Variants in SYNRG observed in about 807,000 individuals in gnomAD.
The protein encoded by SYNRG is AP1 gamma subunit binding protein 1.
In SYNRG, 37 loss-of-function variants were observed where a neutral mutation model predicts 130.9. That is an observed-to-expected ratio of 0.28 (90% CI 0.22 to 0.37). SYNRG has a LOEUF of 0.37. Ranked by LOEUF, SYNRG falls within the 10% of genes least tolerant of loss-of-function variation. The pLI is 1.00. For missense variants in SYNRG, 1,338 were observed against 1,588.9 expected, an observed-to-expected ratio of 0.84 and a Z score of 2.68; for synonymous variants, 539 against 568.1, an observed-to-expected ratio of 0.95 and a Z score of 0.73.
Position 37,521,178 on chromosome 17 carries a change from G to A in SYNRG, c.3667-530C>T, listed in dbSNP as rs546042108. Reference sequence around the variant, plus strand: ...CTTCTGAGTAGCTGGGATTACAGGCGCGCCACCACGTCTGGTTAATTTTGT... The same window carrying A: ...CTTCTGAGTAGCTGGGATTACAGGCACGCCACCACGTCTGGTTAATTTTGT... On this transcript the variant is annotated intron_variant, in intron 19 of 21. Coordinates refer to ENST00000612223, the MANE Select transcript of SYNRG (RefSeq NM_007247.6). Among the ~76,000 whole-genome samples, 234 of 151,866 alleles carry A rather than the reference G, an allele frequency of 1.5e-3. 1 individual carries two copies. The highest frequency in any genetic ancestry group is 5.4e-3 in the African/African-American group (222 of 41,428).
At chr17:37,608,764 G>C (rs1201628339) in intron 1 of SYNRG, among the ~76,000 whole-genome samples, 1 of 152,124 alleles carries the variant, frequency 6.6e-6, no homozygotes, top group Non-Finnish European at 1.5e-5. Flanking sequence ...GTTTGTCGCG[G>C]GTTAAGGAAA....
At chr17:37,596,490 G>T in intron 2 of SYNRG, 146 bp from the exon 3 acceptor site, 1 of 742,712 alleles carries the variant, frequency 1.3e-6, no homozygotes, top group South Asian at 2.1e-5. Context: ...ATGTGAATAT[G>T]AATTCCAACT....
chr17:37,592,453 A>G (rs2062279952), intron 3 of SYNRG, among the ~76,000 whole-genome samples: 2 of 152,234 alleles, frequency 1.3e-5, no homozygotes. Context: ...CGTTTATCCC[A>G]AGAAATGAGG....
At chr17:37,594,184 A>G (rs1275567174) in intron 3 of SYNRG, among the ~76,000 whole-genome samples, 1 of 78,222 alleles carries the variant, frequency 1.3e-5, no homozygotes, top group Non-Finnish European at 2.4e-5. Context: ...TTACAATATT[A>G]ATTATTTTAA....
chr17:37,597,453 A>G (rs1237851886), intron 2 of SYNRG, among the ~76,000 whole-genome samples: 1 of 152,250 alleles, frequency 6.6e-6, no homozygotes, highest in Non-Finnish European at 1.5e-5. Context: ...GAACTCTGGG[A>G]GCCAACTAGA....
At chr17:37,547,234 C>T (rs2145126155) in intron 14 of SYNRG, among the ~76,000 whole-genome samples, 1 of 152,256 alleles carries the variant, frequency 6.6e-6, no homozygotes, top group Admixed American at 6.5e-5. Context: ...AAAAAGAAAA[C>T]TGGAAATCCT....
intron 11 of SYNRG, among the ~76,000 whole-genome samples, chr17:37,564,868 A>G (rs1027761795): frequency 6.6e-6 from 1 of 152,250 alleles, no homozygotes; most frequent in Admixed American, 6.5e-5. Flanking sequence ...TTGCTTCTGT[A>G]TTTCTCATGC....
At chr17:37,569,052 C>T (rs563422514) in intron 10 of SYNRG, 128 bp from the exon 11 acceptor site, 89 of 920,190 alleles carry the variant, frequency 9.7e-5, no homozygotes, top group South Asian at 5.8e-4. Context: ...CAAGTGCTTA[C>T]GGCAGGAATC....
intron 11 of SYNRG, among the ~76,000 whole-genome samples, chr17:37,565,203 G>A (rs1259081140): frequency 6.6e-6 from 1 of 152,114 alleles, no homozygotes; most frequent in Non-Finnish European, 1.5e-5. Context: ...GGCAGAAGTT[G>A]CAGTGAGCCG....
At chr17:37,575,165 G>A (rs1332840517) in intron 8 of SYNRG, among the ~76,000 whole-genome samples, 1 of 151,902 alleles carries the variant, frequency 6.6e-6, no homozygotes, top group Admixed American at 6.6e-5. Flanking sequence ...GGGTAGTGGT[G>A]GGGGGGAATA....
chr17:37,570,552 A>T, intron 10 of SYNRG, 85 bp downstream of exon 10: 1 of 1,489,828 alleles, frequency 6.7e-7, no homozygotes, highest in Non-Finnish European at 9.0e-7. Context: ...ATAATCCAGT[A>T]ACCTACTCTA....
At chr17:37,591,262 C>T (rs2062165673) in intron 3 of SYNRG, among the ~76,000 whole-genome samples, 1 of 152,112 alleles carries the variant, frequency 6.6e-6, no homozygotes, top group Non-Finnish European at 1.5e-5. Flanking sequence ...TAAATCTAAC[C>T]AAACATGGAT....
intron 6 of SYNRG, among the ~76,000 whole-genome samples, chr17:37,579,975 T>C (rs901757738): frequency 1.4e-4 from 21 of 152,278 alleles, no homozygotes; most frequent in African/African-American, 5.1e-4. Context: ...TTTTATTAGA[T>C]TAATAATTTT....
intron 13 of SYNRG, among the ~76,000 whole-genome samples, chr17:37,555,213 A>C (rs1053460711): frequency 2.0e-5 from 3 of 151,398 alleles, no homozygotes; most frequent in Non-Finnish European, 4.4e-5. Flanking sequence ...TGCAACCTCC[A>C]CCTCCCAGGT....
chr17:37,586,917 T>C (rs971443605), intron 3 of SYNRG, among the ~76,000 whole-genome samples: 1 of 152,144 alleles, frequency 6.6e-6, no homozygotes, highest in Non-Finnish European at 1.5e-5. Flanking sequence ...TATATTTTCA[T>C]ATTTGCAATA....
intron 3 of SYNRG, among the ~76,000 whole-genome samples, chr17:37,590,989 T>C (rs535705812): frequency 3.9e-5 from 6 of 152,270 alleles, no homozygotes; most frequent in African/African-American, 7.2e-5. Context: ...GGAAGGAAAG[T>C]ATTTTTCAAT....
chr17:37,597,001 C>G (rs555162794), intron 2 of SYNRG, among the ~76,000 whole-genome samples: 2 of 152,280 alleles, frequency 1.3e-5, no homozygotes, highest in East Asian at 3.9e-4. Context: ...CTCAGCCTCC[C>G]AAAGTGCTGG....
Position 37,585,447 on chromosome 17 carries a change from C to G in SYNRG, c.372-17G>C. 1 of 1,578,214 alleles carries G rather than the reference C, an allele frequency of 6.3e-7. No individual in the cohort carries two copies. The highest frequency in any genetic ancestry group is 8.7e-7 in the Non-Finnish European group (1 of 1,151,030). On this transcript the variant is annotated splice_polypyrimidine_tract_variant and intron_variant, in intron 4 of 21. Transcript: ENST00000612223. ...AATCGTTTCCTGAAGGAAAAATGAT[C>G]TAATAAAGAACCAGCTCCCGGGATT...
At chr17:37,578,692 T>C (rs550258283) in intron 6 of SYNRG, among the ~76,000 whole-genome samples, 1 of 152,244 alleles carries the variant, frequency 6.6e-6, no homozygotes, top group Admixed American at 6.5e-5. Flanking sequence ...ATTCATTTTA[T>C]AGATGACAAA....
Sources: gnomAD v4.1 joint callset for allele counts (sites outside exome capture counted in the v4.1 genomes callset) on GRCh38, gnomAD v4.1.1 for gene constraint, MANE v1.5 for transcripts, NCBI Gene and HGNC (gene_info 2026-07-23, HGNC 2026-07-21) for gene names.